COL8A1: variants seen among roughly 807,000 people sequenced by gnomAD.
COL8A1 encodes the protein collagen alpha-1(VIII) chain.
COL8A1 carries 21 observed loss-of-function variants against 42.7 expected under a neutral mutation model. The observed-to-expected ratio is 0.49, with a 90% CI of 0.35 to 0.71. The LOEUF is 0.71. COL8A1 is among the 30% of genes least tolerant of loss of function. The probability of loss-of-function intolerance (pLI) is 0.01; values close to 1 mark genes in which losing one functional copy is unlikely to be tolerated. For missense variants in COL8A1, 788 were observed against 962.4 expected (o/e 0.82, Z 2.40); for synonymous variants, 367 against 369.1 (o/e 0.99, Z 0.06).
intron 1 of COL8A1, among the ~76,000 whole-genome samples, chr3:99,692,888 GTGGCTCACGCC>G (rs1277165502): frequency 6.6e-6 from 1 of 152,238 alleles, no homozygotes; most frequent in African/African-American, 2.4e-5. Flanking sequence ...GGCTGGACGC[GTGGCTCACGCC>G]TGTAATCCCA....
chr3:99,764,339 T>C (rs1213312384), intron 2 of COL8A1, among the ~76,000 whole-genome samples: 1 of 152,236 alleles, frequency 6.6e-6, no homozygotes. Context: ...TGAGTTTTAA[T>C]CTGGCAGCTC....
chr3:99,673,583 GA>G (rs758869181), intron 1 of COL8A1, among the ~76,000 whole-genome samples: 62 of 152,114 alleles, frequency 4.1e-4, no homozygotes, highest in Non-Finnish European at 4.7e-4. Context: ...AGTAAATTTT[GA>G]AGAACAATAT....
intron 1 of COL8A1, among the ~76,000 whole-genome samples, chr3:99,733,123 T>A (rs909343953): frequency 6.6e-6 from 1 of 150,848 alleles, no homozygotes; most frequent in Non-Finnish European, 1.5e-5. Context: ...TTTTTCTTTT[T>A]TTTTTTTTTT....
intron 2 of COL8A1, among the ~76,000 whole-genome samples, chr3:99,770,479 A>G (rs753401945): frequency 4.6e-5 from 7 of 152,282 alleles, no homozygotes; most frequent in Non-Finnish European, 1.0e-4. Flanking sequence ...TCACTCAAAA[A>G]CATGTATTCA....
intron 1 of COL8A1, among the ~76,000 whole-genome samples, chr3:99,740,082 C>A (rs778625649): frequency 6.6e-5 from 10 of 152,166 alleles, no homozygotes; most frequent in Admixed American, 2.0e-4. Flanking sequence ...CAAGAGTGAC[C>A]TTTATTCCAG....
Position 99,667,955 on chromosome 3 carries a change from A to G in COL8A1, c.-129+29291A>G, listed in dbSNP as rs1327701561. Among the ~76,000 whole-genome samples, 7 of 152,146 alleles carry G rather than the reference A, an allele frequency of 4.6e-5. No individual in the cohort carries two copies. In the East Asian group the frequency reaches 1.3e-3, roughly 29 times the overall value. On this transcript the variant is annotated intron_variant, in intron 1 of 3. Coordinates refer to ENST00000652472, the MANE Select transcript of COL8A1 (RefSeq NM_020351.4). ...CTGATTTCATAAAAAAAATTATCTA[A>G]TATGCTTAATAAGAACTATTTTCTC... is the stretch of plus-strand genomic sequence containing the variant.
chr3:99,668,715 C>T (rs1938438885), intron 1 of COL8A1, among the ~76,000 whole-genome samples: 1 of 151,788 alleles, frequency 6.6e-6, no homozygotes, highest in African/African-American at 2.4e-5. Context: ...TCTGCAAATC[C>T]AGTGAACTTA....
At chr3:99,695,238 CAA>C (rs1224258899) in intron 1 of COL8A1, among the ~76,000 whole-genome samples, 5 of 152,202 alleles carry the variant, frequency 3.3e-5, no homozygotes, top group South Asian at 4.1e-4. Flanking sequence ...AAAAATTACT[CAA>C]GAGGTATTTT....
At chr3:99,723,039 A>C (rs1940202831) in intron 1 of COL8A1, among the ~76,000 whole-genome samples, 1 of 145,826 alleles carries the variant, frequency 6.9e-6, no homozygotes, top group Non-Finnish European at 1.5e-5. Context: ...GTGTGTAATA[A>C]ATAGATGACT....
intron 1 of COL8A1, among the ~76,000 whole-genome samples, chr3:99,720,489 G>A (rs889604731): frequency 6.6e-6 from 1 of 151,970 alleles, no homozygotes; most frequent in African/African-American, 2.4e-5. Context: ...TATATGGTTA[G>A]AATTCTGCCA....
chr3:99,699,080 A>G (rs1210426041), intron 1 of COL8A1, among the ~76,000 whole-genome samples: 2 of 152,202 alleles, frequency 1.3e-5, no homozygotes, highest in African/African-American at 4.8e-5. Flanking sequence ...TCCACGTGAT[A>G]AATTCAAAAC....
chr3:99,743,451 C>T (rs1940947657), intron 1 of COL8A1, among the ~76,000 whole-genome samples: 3 of 151,986 alleles, frequency 2.0e-5, no homozygotes, highest in African/African-American at 4.8e-5. Flanking sequence ...ATGTCAGAGC[C>T]TGGGCCTTGT....
chr3:99,724,307 C>T (rs1016059440), intron 1 of COL8A1, among the ~76,000 whole-genome samples: 1 of 152,098 alleles, frequency 6.6e-6, no homozygotes, highest in African/African-American at 2.4e-5. Flanking sequence ...CAATCAGCAG[C>T]TAGAAAATCT....
intron 1 of COL8A1, among the ~76,000 whole-genome samples, chr3:99,742,872 T>C (rs55648906): frequency 0.22 from 33,155 of 151,784 alleles, 4,230 homozygotes; most frequent in African/African-American, 0.34. Flanking sequence ...TCACCATAAC[T>C]AGAAAGAAAA....
chr3:99,695,869 C>T (rs1252160504), intron 1 of COL8A1, among the ~76,000 whole-genome samples: 4 of 152,188 alleles, frequency 2.6e-5, no homozygotes, highest in African/African-American at 9.7e-5. Context: ...AGTGGTGGCT[C>T]ACACCTGGAA....
chr3:99,679,071 C>T (rs1938787500), intron 1 of COL8A1: 2 of 152,156 alleles, frequency 1.3e-5, no homozygotes, highest in Non-Finnish European at 2.9e-5. Context: ...GAGATGAGCA[C>T]CATATGTGCA....
At chr3:99,736,544 A>T (rs1940723440) in intron 1 of COL8A1, among the ~76,000 whole-genome samples, 1 of 152,016 alleles carries the variant, frequency 6.6e-6, no homozygotes, top group Admixed American at 6.6e-5. Flanking sequence ...AGCGGTTTTG[A>T]GTGAGATTCT....
chr3:99,701,439 G>A (rs1354883772), intron 1 of COL8A1, among the ~76,000 whole-genome samples: 1 of 152,146 alleles, frequency 6.6e-6, no homozygotes, highest in Admixed American at 6.5e-5. Flanking sequence ...GAGAAAGAGA[G>A]GCATGTCCTT....
intron 1 of COL8A1, among the ~76,000 whole-genome samples, chr3:99,672,624 CAT>C: frequency 6.6e-6 from 1 of 151,904 alleles, no homozygotes; most frequent in Middle Eastern, 3.4e-3. Flanking sequence ...TATCATTGAT[CAT>C]TCTTACACTT....
Sources: allele counts gnomAD v4.1 joint callset (sites outside exome capture counted in the v4.1 genomes callset), GRCh38; gene constraint gnomAD v4.1.1; transcripts MANE v1.5; gene names NCBI Gene and HGNC (gene_info 2026-07-23, HGNC 2026-07-21).